Variants in DNAAF9 observed in about 807,000 individuals in gnomAD.
The protein encoded by DNAAF9 is dynein axonemal assembly factor 9, also known as shulin.
In DNAAF9, 90 loss-of-function variants were observed where a neutral mutation model predicts 167.0. The ratio of observed to expected loss-of-function variants is 0.54; its 90% CI spans 0.45 to 0.64. The LOEUF is 0.64. DNAAF9 is among the 30% of genes least tolerant of loss of function. The pLI, the probability that DNAAF9 is intolerant of heterozygous loss-of-function variation, is 0.00. For synonymous variants in DNAAF9, 491 were observed against 508.8 expected, an observed-to-expected ratio of 0.96 and a Z score of 0.47; for missense variants, 1,315 against 1,442.2, an observed-to-expected ratio of 0.91 and a Z score of 1.43.
rs766611230 is a variant in DNAAF9 at position 3,304,405 on chromosome 20, C to T, written c.1782+35G>A. 31 of 944,094 alleles carry T rather than the reference C, an allele frequency of 3.3e-5. No individual in the cohort carries two copies. In the Middle Eastern group the frequency reaches 1.0e-3, roughly 32 times the overall value. The allele number at this position is 944,094 out of a possible 1,614,324, so 58.5% of individuals were successfully genotyped here. A position where few individuals can be genotyped will look rare whatever the true frequency, so the allele number is the denominator to read the frequency against. ...CCCCTCAAAAGTGTGAGCAACTTTC[C>T]GACCAAAAAAGCCACTGACTAGTAA... On this transcript the variant is annotated intron_variant, in intron 21 of 36. Coordinates refer to ENST00000252032, the MANE Select transcript of DNAAF9 (RefSeq NM_001009984.3).
intron 1 of DNAAF9, among the ~76,000 whole-genome samples, chr20:3,402,931 A>G (rs939735348): frequency 6.6e-6 from 1 of 152,176 alleles, no homozygotes; most frequent in Non-Finnish European, 1.5e-5. Flanking sequence ...GATTCTTCGC[A>G]AGTCTTTTCA....
intron 30 of DNAAF9, among the ~76,000 whole-genome samples, chr20:3,265,980 T>C (rs988265205): frequency 2.6e-5 from 4 of 152,230 alleles, no homozygotes; most frequent in Non-Finnish European, 5.9e-5. Context: ...GCACCCGGCC[T>C]AAATTTATCA....
intron 6 of DNAAF9, among the ~76,000 whole-genome samples, chr20:3,371,096 A>T (rs2083501116): frequency 1.3e-5 from 2 of 152,042 alleles, no homozygotes; most frequent in African/African-American, 4.8e-5. Context: ...TATTCTGGAA[A>T]AGCTTTTCAA....
chr20:3,398,303 G>A (rs1397142270), intron 1 of DNAAF9, among the ~76,000 whole-genome samples: 1 of 152,098 alleles, frequency 6.6e-6, no homozygotes, highest in East Asian at 1.9e-4. Flanking sequence ...AGTCCCTAAG[G>A]CACTAGTTCC....
intron 15 of DNAAF9, 73 bp downstream of exon 15, chr20:3,322,579 G>T: frequency 8.5e-7 from 1 of 1,177,668 alleles, no homozygotes; most frequent in African/African-American, 1.5e-5. Context: ...AACCACTCAT[G>T]TCAGCAGCCT....
chr20:3,381,299 T>A (rs549818124), intron 3 of DNAAF9, 80 bp downstream of exon 3: 1 of 1,200,232 alleles, frequency 8.3e-7, no homozygotes, highest in South Asian at 1.7e-5. Flanking sequence ...TTTTATTCCA[T>A]AAGAAGACCA....
intron 1 of DNAAF9, among the ~76,000 whole-genome samples, chr20:3,399,581 T>C (rs1014094161): frequency 1.3e-5 from 2 of 151,886 alleles, no homozygotes; most frequent in African/African-American, 4.8e-5. Context: ...GCCTCCAGAG[T>C]TGATCAATGA....
intron 31 of DNAAF9, among the ~76,000 whole-genome samples, chr20:3,260,330 A>G (rs2068360932): frequency 6.6e-6 from 1 of 152,238 alleles, no homozygotes; most frequent in Non-Finnish European, 1.5e-5. Flanking sequence ...TGGGCGACAG[A>G]GCAAGACTCC....
At position 3,340,522 on chromosome 20, in the gene DNAAF9, C is replaced by T; in HGVS notation, c.963G>A (p.Gly321=). 1 of 1,523,562 alleles carries T rather than the reference C, an allele frequency of 6.6e-7. No individual in the cohort carries two copies. The highest frequency in any genetic ancestry group is 8.9e-7 in the Non-Finnish European group (1 of 1,123,948). 94.4% of individuals were successfully genotyped at this position (1,523,562 alleles called of 1,614,324 possible). ...GHLVRSTGPG[G]SFAKHMVAQC... ...CACTTACCATGTGCTTGGCAAAGCT[C>T]CCGCCGGGACCAGTGCTTCGTACCA... Residue 321 remains glycine, a synonymous_variant, in exon 10 of 37, where the codon GGG becomes GGA. Coordinates refer to ENST00000252032, the MANE Select transcript of DNAAF9 (RefSeq NM_001009984.3).
At chr20:3,269,734 C>T (rs547149338) in intron 30 of DNAAF9, among the ~76,000 whole-genome samples, 1 of 152,174 alleles carries the variant, frequency 6.6e-6, no homozygotes, top group African/African-American at 2.4e-5. Context: ...GCAGGCGGAA[C>T]ACAAGGTCAG....
chr20:3,307,665 T>C (rs577855003), intron 20 of DNAAF9, among the ~76,000 whole-genome samples: 24 of 152,026 alleles, frequency 1.6e-4, no homozygotes, highest in African/African-American at 5.3e-4. Context: ...TAAGAGGAAG[T>C]TTCCCATTAT....
rs1568617681 is a variant in DNAAF9, at chr20:3,344,620, CACACACACACACACACACA to C, written c.790-908_790-890del. Among the ~76,000 whole-genome samples the C allele has an allele frequency of 3.4e-4, 51 of 148,854 alleles. 1 individual carries two copies. Among genetic ancestry groups the C allele is most frequent in the African/African-American group, 1.1e-3 (42 of 39,232 alleles). ...ACACACACACACACACACACACACA[CACACACACACACACACACA>C]CCTCATGTAGTGAACTTAATAAATT... is the stretch of plus-strand genomic sequence containing the variant. On this transcript the variant is annotated intron_variant, in intron 8 of 36. Transcript: ENST00000252032.
At chr20:3,278,513 G>T (rs1300210087) in intron 29 of DNAAF9, among the ~76,000 whole-genome samples, 1 of 152,164 alleles carries the variant, frequency 6.6e-6, no homozygotes, top group Non-Finnish European at 1.5e-5. Context: ...GAGGTCAGGA[G>T]TTCAAGACCA....
At chr20:3,265,539 C>A (rs1284338638) in intron 30 of DNAAF9, among the ~76,000 whole-genome samples, 33 of 133,092 alleles carry the variant, frequency 2.5e-4, no homozygotes, top group Non-Finnish European at 6.2e-5. Context: ...CACGCCACTG[C>A]ACTCCAGCCT....
At chr20:3,345,345 G>A (rs6084342) in intron 8 of DNAAF9, among the ~76,000 whole-genome samples, 75,906 of 151,900 alleles carry the variant, frequency 0.5, 19,035 homozygotes, top group Middle Eastern at 0.65. Flanking sequence ...AAAATTTATC[G>A]TGGGCTTACC....
At chr20:3,371,495 C>A (rs1405918173) in intron 6 of DNAAF9, among the ~76,000 whole-genome samples, 1 of 151,866 alleles carries the variant, frequency 6.6e-6, no homozygotes, top group Non-Finnish European at 1.5e-5. Flanking sequence ...AGGCGCCTGC[C>A]ACCACGCCCG....
chr20:3,253,519 ATTTAAC>A (rs370943911), intron 36 of DNAAF9, among the ~76,000 whole-genome samples: 44 of 152,334 alleles, frequency 2.9e-4, no homozygotes, highest in African/African-American at 9.6e-4. Context: ...TAAAGGAGCA[ATTTAAC>A]TTTAACAGCT....
rs2084082176 is a variant in DNAAF9, at chr20:3,407,561, G to T, written c.-4C>A. On this transcript the variant is annotated 5_prime_UTR_variant, in exon 1 of 37. Transcript: ENST00000252032. Reference sequence around the variant, plus strand: ...GGCGCGGGGGGTACACGTCCATGGCGGCGGACGACTGGCGGCGGAGGAGGA... The same window carrying T: ...GGCGCGGGGGGTACACGTCCATGGCTGCGGACGACTGGCGGCGGAGGAGGA... 1.6e-6 allele frequency: 2 copies of T among 1,236,946 alleles called. No homozygotes were observed. The highest frequency in any genetic ancestry group is 2.0e-6 in the Non-Finnish European group (2 of 991,168). The allele number at this position is 1,236,946 out of a possible 1,614,324, so 76.6% of individuals were successfully genotyped here. A position where few individuals can be genotyped will look rare whatever the true frequency, so the allele number is the denominator to read the frequency against.
chr20:3,381,603 C>T lies in DNAAF9; in HGVS notation c.164-105G>A, dbSNP rs75700391. ...AAACCCTGATGATCAAGCTGAAGGA[C>T]GCAGCTCAGACCAGTTTTGTGCCAG... On this transcript the variant is annotated intron_variant, in intron 2 of 36. Coordinates refer to ENST00000252032, the MANE Select transcript of DNAAF9 (RefSeq NM_001009984.3). 4.7e-4 allele frequency: 565 copies of T among 1,211,678 alleles called. 1 individual carries two copies. The highest frequency in any genetic ancestry group is 1.3e-3 in the Middle Eastern group (6 of 4,790). 75.1% of individuals were successfully genotyped at this position (1,211,678 alleles called of 1,614,324 possible).
Sources: gnomAD v4.1 joint callset for allele counts (sites outside exome capture counted in the v4.1 genomes callset) on GRCh38, gnomAD v4.1.1 for gene constraint, MANE v1.5 for transcripts, NCBI Gene and HGNC (gene_info 2026-07-23, HGNC 2026-07-21) for gene names.